Variants in CTHRC1 observed in about 807,000 individuals in gnomAD.
CTHRC1 encodes the protein collagen triple helix repeat containing 1.
In CTHRC1, 21 loss-of-function variants were observed where a neutral mutation model predicts 25.9. The ratio of observed to expected loss-of-function variants is 0.81; its 90% CI spans 0.57 to 1.17. The LOEUF is 1.17. Ranked by LOEUF, CTHRC1 falls within the 50% of genes most tolerant of loss-of-function variation. The pLI, the probability that CTHRC1 is intolerant of heterozygous loss-of-function variation, is 0.00. For missense variants in CTHRC1, 281 were observed against 304.3 expected (o/e 0.92, Z 0.57); for synonymous variants, 109 against 113.1 (o/e 0.96, Z 0.23).
intron 1 of CTHRC1, chr8:103,372,745 C>T: frequency 9.5e-7 from 1 of 1,050,614 alleles, no homozygotes; most frequent in Admixed American, 2.0e-5. Context: ...TATGAGGGAG[C>T]CTTTCAGAGC....
rs983238628 is a variant in CTHRC1, at chr8:103,371,735, C to G, written c.79C>G (p.Pro27Ala). The G allele has an allele frequency of 6.5e-7, 1 of 1,535,536 alleles. No individual in the cohort carries two copies. The highest frequency in any genetic ancestry group is 2.5e-5 in the East Asian group (1 of 39,330). ...LLLLLLQLPA[P>A]SSASEIPKGK... is the part of the protein sequence containing the mutation. ...GCTCCTGCTGCTGCAGCTGCCCGCG[C>G]CGTCGAGCGCCTCTGAGATCCCCAA... The change falls in exon 1 of 4, where the codon CCG (proline) becomes GCG (alanine). Residue 27 changes from proline (P) to alanine (A), a missense_variant. Physicochemically the swap from Pro to Ala is conservative, Grantham distance 27 (BLOSUM62 -1). Coordinates refer to ENST00000330295, the MANE Select transcript of CTHRC1 (RefSeq NM_138455.4).
At chr8:103,372,779 A>C (rs1815732058) in intron 1 of CTHRC1, 1 of 684,292 alleles carries the variant, frequency 1.5e-6, no homozygotes, top group South Asian at 2.2e-5. Context: ...GGCATATTAT[A>C]AACTTCAGTC....
At chr8:103,380,087 C>T (rs965531025) in intron 3 of CTHRC1, among the ~76,000 whole-genome samples, 1 of 152,084 alleles carries the variant, frequency 6.6e-6, no homozygotes, top group Non-Finnish European at 1.5e-5. Context: ...AAGTGCTTCC[C>T]ATCTAAGAAA....
intron 1 of CTHRC1, chr8:103,372,486 G>T: frequency 6.3e-7 from 1 of 1,595,032 alleles, no homozygotes; most frequent in Non-Finnish European, 8.5e-7. Flanking sequence ...AACCCTCTAA[G>T]GACCTGTTTT....
At chr8:103,372,539 C>G in intron 1 of CTHRC1, 1 of 1,598,264 alleles carries the variant, frequency 6.3e-7, no homozygotes, top group Non-Finnish European at 8.5e-7. Context: ...TTACACACAC[C>G]CTGGGTCTTC....
At chr8:103,377,878 AC>A (rs1369845640) in intron 2 of CTHRC1, 148 bp from the exon 3 acceptor site, 6 of 711,492 alleles carry the variant, frequency 8.4e-6, no homozygotes, top group Non-Finnish European at 1.5e-5. Context: ...TGCTGGGATT[AC>A]AGGTATGAGC....
At chr8:103,379,086 A>G (rs974104015) in intron 3 of CTHRC1, among the ~76,000 whole-genome samples, 3 of 152,294 alleles carry the variant, frequency 2.0e-5, no homozygotes, top group Middle Eastern at 3.4e-3. Context: ...TTTCTGCCTT[A>G]TCCTTTAAAA....
Position 103,371,743 on chromosome 8 carries a change from C to G in CTHRC1, c.87C>G (p.Ser29Arg). The change falls in exon 1 of 4, where the codon AGC (serine) becomes AGG (arginine). Residue 29 changes from serine (S) to arginine (R), a missense_variant. Physicochemically the swap from Ser to Arg is moderately radical, Grantham distance 110. Coordinates refer to ENST00000330295, the MANE Select transcript of CTHRC1 (RefSeq NM_138455.4). ...TGCTGCAGCTGCCCGCGCCGTCGAGCGCCTCTGAGATCCCCAAGGGGAAGC... is the reference window on the plus strand; with the variant it reads ...TGCTGCAGCTGCCCGCGCCGTCGAGGGCCTCTGAGATCCCCAAGGGGAAGC... ...LLLLQLPAPS[S>R]ASEIPKGKQK... 6.5e-7 allele frequency: 1 copy of G among 1,535,548 alleles called. No homozygotes were observed. The highest frequency in any genetic ancestry group is 8.8e-7 in the Non-Finnish European group (1 of 1,141,702).
chr8:103,372,702 C>A, intron 1 of CTHRC1: 2 of 1,543,320 alleles, frequency 1.3e-6, no homozygotes, highest in Non-Finnish European at 8.8e-7. Context: ...TCAACAAACC[C>A]AGTGGAGGGC....
intron 1 of CTHRC1, among the ~76,000 whole-genome samples, chr8:103,375,443 A>G (rs1270134527): frequency 6.6e-6 from 1 of 152,226 alleles, no homozygotes; most frequent in Non-Finnish European, 1.5e-5. Context: ...GAATACAGCT[A>G]TTTAAAATTG....
At chr8:103,374,783 T>C (rs893788138) in intron 1 of CTHRC1, among the ~76,000 whole-genome samples, 3 of 152,192 alleles carry the variant, frequency 2.0e-5, no homozygotes, top group Admixed American at 6.5e-5. Flanking sequence ...TTAAATCTCA[T>C]ACAAACCCTA....
chr8:103,381,589 A>AG (rs1157486312), intron 3 of CTHRC1, among the ~76,000 whole-genome samples: 1 of 152,146 alleles, frequency 6.6e-6, no homozygotes, highest in Non-Finnish European at 1.5e-5. Flanking sequence ...GAGGAAAAGC[A>AG]GGGGGGATTT....
chr8:103,382,433 T>C, intron 3 of CTHRC1, 25 bp from the exon 4 acceptor site: 1 of 1,613,092 alleles, frequency 6.2e-7, no homozygotes, highest in Non-Finnish European at 8.5e-7. Flanking sequence ...TAAAGAAAGA[T>C]GTAACTTTCA....
chr8:103,378,250 A>G lies in CTHRC1; in HGVS notation c.589+7A>G. ...ATTCATCGCACTTCTTCTGGTATGT[A>G]AAATTGTGACATTGCAAGATGTGCC... is the stretch of plus-strand genomic sequence containing the variant. On this transcript the variant is annotated splice_region_variant and intron_variant, in intron 3 of 3. Coordinates refer to ENST00000330295, the MANE Select transcript of CTHRC1 (RefSeq NM_138455.4). 6.2e-7 allele frequency: 1 copy of G among 1,606,050 alleles called. No individual in the cohort carries two copies. The highest frequency in any genetic ancestry group is 8.5e-7 in the Non-Finnish European group (1 of 1,175,718).
At chr8:103,379,283 T>C (rs1197325653) in intron 3 of CTHRC1, among the ~76,000 whole-genome samples, 1 of 152,174 alleles carries the variant, frequency 6.6e-6, no homozygotes, top group Non-Finnish European at 1.5e-5. Flanking sequence ...AGGGTCTTGC[T>C]CTGTTGCTCA....
chr8:103,377,897 C>A (rs1815833869), intron 2 of CTHRC1, 130 bp from the exon 3 acceptor site: 2 of 825,598 alleles, frequency 2.4e-6, no homozygotes, highest in Non-Finnish European at 4.0e-6. Context: ...AGCCACCACA[C>A]CCGGCCAAGT....
intron 2 of CTHRC1, 75 bp downstream of exon 2, chr8:103,376,034 TTTTA>T: frequency 1.7e-6 from 2 of 1,149,774 alleles, no homozygotes; most frequent in South Asian, 1.3e-5. Flanking sequence ...TTAGGTGACA[TTTTA>T]TTTTTTTTTA....
chr8:103,379,008 T>C (rs1164435087), intron 3 of CTHRC1, among the ~76,000 whole-genome samples: 1 of 141,894 alleles, frequency 7.0e-6, no homozygotes, highest in Non-Finnish European at 1.6e-5. Flanking sequence ...AAAAAAAAAA[T>C]CTCCTGGTCA....
chr8:103,380,007 C>T (rs1461675480), intron 3 of CTHRC1, among the ~76,000 whole-genome samples: 1 of 152,122 alleles, frequency 6.6e-6, no homozygotes, highest in Non-Finnish European at 1.5e-5. Flanking sequence ...CTCTTGGCTC[C>T]CAGTTCTCTT....
Sources: gnomAD v4.1 joint callset for allele counts (sites outside exome capture counted in the v4.1 genomes callset) on GRCh38, gnomAD v4.1.1 for gene constraint, MANE v1.5 for transcripts, NCBI Gene and HGNC (gene_info 2026-07-23, HGNC 2026-07-21) for gene names.